AP4E1: variants seen among roughly 807,000 people sequenced by gnomAD.
AP4E1 encodes the protein adaptor related protein complex 4 subunit epsilon 1, also known as AP-4 complex subunit epsilon-1.
A neutral mutation model predicts 128.2 loss-of-function variants in AP4E1; 56 were observed. The ratio of observed to expected loss-of-function variants is 0.44; its 90% CI spans 0.35 to 0.55. The LOEUF (loss-of-function observed/expected upper bound fraction) is 0.55, where lower values mean the gene tolerates loss of function less well. AP4E1 is among the 20% of genes least tolerant of loss of function. The pLI is 0.00. For synonymous variants in AP4E1, 484 were observed against 473.1 expected (o/e 1.02, Z -0.30); for missense variants, 1,324 against 1,307.7 (o/e 1.01, Z -0.19).
At position 50,919,150 on chromosome 15, in the gene AP4E1, A is replaced by C. The variant is rs549415365; in HGVS notation, c.346+3579A>C. On this transcript the variant is annotated intron_variant, in intron 3 of 20. Coordinates refer to ENST00000261842, the MANE Select transcript of AP4E1 (RefSeq NM_007347.5). The stretch of plus-strand genomic sequence containing the variant: ...GAGGCTGAGGCATGAGAATCGCTTG[A>C]ACCTGGGAGGTGGAGGTTGCAGTGA... Among the ~76,000 whole-genome samples the C allele has an allele frequency of 4.9e-4, 74 of 152,142 alleles. 3 individuals carry two copies. The South Asian group carries it at 0.015, about 32-fold the overall frequency.
rs71127168 is a variant in AP4E1 at position 50,962,889 on chromosome 15, CAAAAAAAAAAA to C, written c.1851+4112_1851+4122del. Among the ~76,000 whole-genome samples, 101 of 38,718 alleles carry C rather than the reference CAAAAAAAAAAA, an allele frequency of 2.6e-3. No individual in the cohort carries two copies. In the East Asian group the frequency reaches 0.052, roughly 20 times the overall value. The allele number at this position is 38,718 out of a possible 152,430, so 25.4% of individuals were successfully genotyped here. On this transcript the variant is annotated intron_variant, in intron 14 of 20. Coordinates refer to ENST00000261842, the MANE Select transcript of AP4E1 (RefSeq NM_007347.5). The stretch of plus-strand genomic sequence containing the variant: ...ATATATAAGGAACTCAATTCAACAG[CAAAAAAAAAAA>C]AAAAAAAAAAAAAAAATCCCATTTA...
At position 51,003,052 on chromosome 15, in the gene AP4E1, C is replaced by G. The variant is rs1472982112; in HGVS notation, c.*390C>G. On this transcript the variant is annotated 3_prime_UTR_variant, in exon 21 of 21. Transcript: ENST00000261842. ...TTTTCTGCATTAAATGGAAGGGAGA[C>G]ATGAAATTGATAATCTCAAACTTAA... 1 of 217,126 alleles carries G rather than the reference C, an allele frequency of 4.6e-6. No individual in the cohort carries two copies. Among genetic ancestry groups the G allele is most frequent in the Non-Finnish European group, 9.3e-6 (1 of 107,018 alleles). The allele number at this position is 217,126 out of a possible 1,614,324, so 13.4% of individuals were successfully genotyped here.
chr15:50,985,960 A>G (rs573825143), intron 16 of AP4E1, among the ~76,000 whole-genome samples: 2 of 152,266 alleles, frequency 1.3e-5, no homozygotes, highest in Non-Finnish European at 2.9e-5. Context: ...ATGTTCTTCC[A>G]TTTGTTTGTA....
chr15:50,933,572 T>G (rs188862587), intron 7 of AP4E1, among the ~76,000 whole-genome samples: 1 of 148,732 alleles, frequency 6.7e-6, no homozygotes, highest in East Asian at 1.9e-4. Context: ...TATTACCAAT[T>G]TTTTTTGGGG....
At chr15:50,968,751 C>T (rs2064431777) in intron 15 of AP4E1, among the ~76,000 whole-genome samples, 1 of 152,132 alleles carries the variant, frequency 6.6e-6, no homozygotes, top group Admixed American at 6.5e-5. Context: ...CCTCAGCCTC[C>T]CAAGTAGCTG....
At chr15:50,994,028 C>A (rs547334338) in intron 17 of AP4E1, among the ~76,000 whole-genome samples, 2 of 152,132 alleles carry the variant, frequency 1.3e-5, no homozygotes, top group Non-Finnish European at 2.9e-5. Context: ...TACATAAATT[C>A]TATTCTCCCA....
intron 18 of AP4E1, 29 bp downstream of exon 18, chr15:50,997,912 TTTCAG>T (rs2064902457): frequency 6.5e-7 from 1 of 1,536,378 alleles, no homozygotes; most frequent in African/African-American, 1.4e-5. Context: ...ATTGTTTTAT[TTTCAG>T]TGTATATTTT....
chr15:50,966,280 T>A (rs1279890018), intron 14 of AP4E1, among the ~76,000 whole-genome samples: 1 of 152,194 alleles, frequency 6.6e-6, no homozygotes, highest in African/African-American at 2.4e-5. Flanking sequence ...AAATAAAGGT[T>A]ATTATTTCCA....
chr15:50,983,393 A>G (rs988542455), intron 15 of AP4E1, among the ~76,000 whole-genome samples: 3 of 152,202 alleles, frequency 2.0e-5, no homozygotes, highest in Non-Finnish European at 4.4e-5. Context: ...TCATATGACA[A>G]AGGTGTTTGT....
At position 50,968,373 on chromosome 15, in the gene AP4E1, A is replaced by T; in HGVS notation, c.1962A>T (p.Glu654Asp). The change falls in exon 15 of 21, where the codon GAA (glutamate) becomes GAT (aspartate). Residue 654 changes from glutamate to aspartate, a missense_variant. Coordinates refer to ENST00000261842, the MANE Select transcript of AP4E1 (RefSeq NM_007347.5). ...GCCAGGAGGAAAAGCTTTCTCAGGA[A>T]AAAGGTAATTTTTCATGGATTTATG... ...HQRQEEKLSQ[E>D]KVLNFEPYGL... The T allele has an allele frequency of 1.2e-6, 2 of 1,610,624 alleles. No individual in the cohort carries two copies. Among genetic ancestry groups the T allele is most frequent in the South Asian group, 1.1e-5 (1 of 90,694 alleles).
intron 10 of AP4E1, chr15:50,944,996 A>G: frequency 1.3e-6 from 1 of 766,758 alleles, no homozygotes; most frequent in Non-Finnish European, 2.4e-6. Flanking sequence ...AAGGCTTTGT[A>G]TAAGGAATAC....
Position 50,997,998 on chromosome 15 carries a change from A to G in AP4E1, c.2904+115A>G, listed in dbSNP as rs1431323205. The G allele has an allele frequency of 1.4e-5, 11 of 768,612 alleles. No homozygotes were observed. In the African/African-American group the frequency reaches 1.8e-4, roughly 12 times the overall value. The allele number at this position is 768,612 out of a possible 1,614,324, so 47.6% of individuals were successfully genotyped here. ...CATAAACACTAAAACGAAATTCTCA[A>G]ATTATTTAGCAAAGTAGAAGATTAA... On this transcript the variant is annotated intron_variant, in intron 18 of 20. Coordinates refer to ENST00000261842, the MANE Select transcript of AP4E1 (RefSeq NM_007347.5).
chr15:50,961,876 C>A (rs76405984), intron 14 of AP4E1, among the ~76,000 whole-genome samples: 5,084 of 151,600 alleles, frequency 0.034, 83 homozygotes, highest in Non-Finnish European at 0.039. Context: ...ACAAAAAGTT[C>A]TTAGAACCAA....
chr15:50,950,144 A>G lies in AP4E1; in HGVS notation c.1523A>G (p.Gln508Arg). Reference sequence around the variant, plus strand: ...GATATGGAAAATGTGTTCTATCCACAGAGATTTCTTCAAGTTATGAGTTGG... The same window carrying G: ...GATATGGAAAATGTGTTCTATCCACGGAGATTTCTTCAAGTTATGAGTTGG... ...LLDMENVFYPQRFLQVMSWVL... is the reference protein window; with the variant it reads ...LLDMENVFYPRRFLQVMSWVL... Residue 508 changes from glutamine (Q) to arginine (R), a missense_variant, in exon 13 of 21, where the codon CAG (glutamine) becomes CGG (arginine). Physicochemically the swap from Gln to Arg is conservative, Grantham distance 43. Transcript: ENST00000261842. 1.2e-6 allele frequency: 2 copies of G among 1,612,424 alleles called. No homozygotes were observed. Among genetic ancestry groups the G allele is most frequent in the Non-Finnish European group, 1.7e-6 (2 of 1,178,908 alleles).
At chr15:50,909,949 T>C (rs1034644167) in intron 1 of AP4E1, among the ~76,000 whole-genome samples, 1 of 151,644 alleles carries the variant, frequency 6.6e-6, no homozygotes, top group Non-Finnish European at 1.5e-5. Context: ...CGTCCCAAAG[T>C]GTTGGGATTA....
chr15:50,918,543 T>C (rs192632654), intron 3 of AP4E1, among the ~76,000 whole-genome samples: 1 of 152,332 alleles, frequency 6.6e-6, no homozygotes, highest in African/African-American at 2.4e-5. Context: ...TAAATAATTT[T>C]CAATTTTATT....
intron 3 of AP4E1, among the ~76,000 whole-genome samples, chr15:50,922,655 TAG>T (rs532527399): frequency 1.7e-3 from 263 of 152,288 alleles, no homozygotes; most frequent in South Asian, 6.6e-3. Context: ...CAGGTCAAGA[TAG>T]ACTATGTGGA....
chr15:50,965,406 C>T (rs2064378889), intron 14 of AP4E1, among the ~76,000 whole-genome samples: 2 of 152,218 alleles, frequency 1.3e-5, no homozygotes, highest in African/African-American at 4.8e-5. Context: ...CTTGGGCCTC[C>T]AAAGATGGCA....
At chr15:51,000,740 A>G (rs1241305910) in intron 19 of AP4E1, among the ~76,000 whole-genome samples, 1 of 152,224 alleles carries the variant, frequency 6.6e-6, no homozygotes, top group Admixed American at 6.5e-5. Flanking sequence ...TGAATGATTT[A>G]TGAAATTACT....
Sources: gnomAD v4.1 joint callset for allele counts (sites outside exome capture counted in the v4.1 genomes callset) on GRCh38, gnomAD v4.1.1 for gene constraint, MANE v1.5 for transcripts, NCBI Gene and HGNC (gene_info 2026-07-23, HGNC 2026-07-21) for gene names.